NFIA: variants seen among roughly 807,000 people sequenced by gnomAD.
The protein encoded by NFIA is nuclear factor 1 A-type.
A neutral mutation model predicts 62.8 loss-of-function variants in NFIA; 8 were observed. The observed-to-expected ratio is 0.13, with a 90% CI of 0.07 to 0.23. NFIA has a LOEUF of 0.23. Among genes scored for constraint, NFIA ranks in the 10% least tolerant of loss-of-function variants. The probability of loss-of-function intolerance (pLI) is 1.00; values close to 1 mark genes in which losing one functional copy is unlikely to be tolerated. For synonymous variants in NFIA, 235 were observed against 238.1 expected (o/e 0.99, Z 0.12); for missense variants, 410 against 642.1 (o/e 0.64, Z 3.91).
At chr1:61,359,114 T>C in intron 5 of NFIA, 33 bp from the exon 6 acceptor site, 1 of 1,607,058 alleles carries the variant, frequency 6.2e-7, no homozygotes, top group Non-Finnish European at 8.5e-7. Flanking sequence ...TGGTTGCGAT[T>C]GCTTTTAAAC....
chr1:61,394,661 T>C (rs1024339672), intron 7 of NFIA, among the ~76,000 whole-genome samples: 2 of 152,164 alleles, frequency 1.3e-5, no homozygotes, highest in African/African-American at 4.8e-5. Flanking sequence ...ATACCCAAGC[T>C]GACATGAAAA....
chr1:61,198,092 C>T (rs775493209), intron 2 of NFIA, among the ~76,000 whole-genome samples: 4 of 152,050 alleles, frequency 2.6e-5, no homozygotes, highest in Non-Finnish European at 4.4e-5. Flanking sequence ...CAAGGAAGAG[C>T]GGATGAAAAA....
chr1:61,107,992 T>C (rs1020374186), intron 2 of NFIA, among the ~76,000 whole-genome samples: 1 of 151,726 alleles, frequency 6.6e-6, no homozygotes, highest in South Asian at 2.1e-4. Context: ...GATTCTTTGC[T>C]CTGTTACACT....
Position 61,243,599 on chromosome 1 carries a change from G to A in NFIA, c.560-33921G>A, listed in dbSNP as rs144697195. Reference sequence around the variant, plus strand: ...TTGATGATTTATTCAGATGACTAACGTTGTTGTAGCTGAGGCAAAAATTAA... The same window carrying A: ...TTGATGATTTATTCAGATGACTAACATTGTTGTAGCTGAGGCAAAAATTAA... On this transcript the variant is annotated intron_variant, in intron 2 of 10. Coordinates refer to ENST00000403491, the MANE Select transcript of NFIA (RefSeq NM_001134673.4). Among the ~76,000 whole-genome samples the A allele has an allele frequency of 2.6e-4, 39 of 152,012 alleles. No individual in the cohort carries two copies. In the East Asian group the frequency reaches 7.3e-3, roughly 29 times the overall value.
chr1:61,260,445 T>TG (rs1656691551), intron 2 of NFIA, among the ~76,000 whole-genome samples: 2 of 152,226 alleles, frequency 1.3e-5, no homozygotes. Context: ...GGACAGAGCT[T>TG]GGTGAGCCTT....
chr1:61,093,753 C>T (rs911218381), intron 2 of NFIA, among the ~76,000 whole-genome samples: 1 of 152,184 alleles, frequency 6.6e-6, no homozygotes, highest in Non-Finnish European at 1.5e-5. Flanking sequence ...GAATGGAAGT[C>T]AGTTCATTTA....
intron 3 of NFIA, among the ~76,000 whole-genome samples, chr1:61,299,990 C>T (rs935869633): frequency 1.3e-5 from 2 of 151,924 alleles, no homozygotes; most frequent in Admixed American, 1.3e-4. Flanking sequence ...TGAGTATATC[C>T]GTATTTTTGA....
intron 1 of NFIA, among the ~76,000 whole-genome samples, chr1:61,085,125 A>T (rs1453993122): frequency 6.6e-6 from 1 of 152,138 alleles, no homozygotes; most frequent in Non-Finnish European, 1.5e-5. Flanking sequence ...CATTAAAAAA[A>T]ATCAGTAAGC....
intron 10 of NFIA, among the ~76,000 whole-genome samples, chr1:61,438,032 T>C (rs1030702012): frequency 5.3e-5 from 8 of 152,176 alleles, no homozygotes; most frequent in African/African-American, 1.9e-4. Flanking sequence ...CTGCCTTGCT[T>C]GGTTCAATCC....
chr1:61,449,028 A>G (rs1557447829), intron 10 of NFIA, among the ~76,000 whole-genome samples: 1 of 152,220 alleles, frequency 6.6e-6, no homozygotes, highest in East Asian at 1.9e-4. Flanking sequence ...TGGGAGCAGC[A>G]CAGTCATTCT....
At chr1:61,312,742 G>C (rs528504845) in intron 3 of NFIA, among the ~76,000 whole-genome samples, 12 of 151,098 alleles carry the variant, frequency 7.9e-5, no homozygotes, top group African/African-American at 2.9e-4. Context: ...CAAACTCCTG[G>C]GCTCAAGTGA....
chr1:61,273,484 T>A (rs1446183972), intron 2 of NFIA, among the ~76,000 whole-genome samples: 1 of 152,220 alleles, frequency 6.6e-6, no homozygotes, highest in Non-Finnish European at 1.5e-5. Flanking sequence ...GAGGACTTTT[T>A]GCGCTCCTTT....
intron 2 of NFIA, among the ~76,000 whole-genome samples, chr1:61,191,325 G>C (rs1163875645): frequency 6.6e-6 from 1 of 152,120 alleles, no homozygotes; most frequent in African/African-American, 2.4e-5. Context: ...CAAATGAATA[G>C]TAGTATTTAA....
In NFIA at chr1:61,088,404, G is replaced by A; in HGVS notation, c.283G>A (p.Val95Ile). 2 of 1,613,912 alleles carry A rather than the reference G, an allele frequency of 1.2e-6. No homozygotes were observed. The highest frequency in any genetic ancestry group is 1.7e-6 in the Non-Finnish European group (2 of 1,179,948). The stretch of plus-strand genomic sequence containing the variant: ...ATATCGAGAGGATTTTGTTCTTACA[G>A]TTACAGGGAAAAAACCTCCATGTTG... ...PEYREDFVLT[V>I]TGKKPPCCVL... Residue 95 changes from valine (V) to isoleucine (I), a missense_variant, in exon 2 of 11, where the codon GTT becomes ATT. By Grantham distance (29) the Val-to-Ile change is conservative. This residue lies in a region of NFIA where 86 missense variants were observed against 124.6 expected (regional missense o/e 0.69). Coordinates refer to ENST00000403491, the MANE Select transcript of NFIA (RefSeq NM_001134673.4). The surrounding 1 kb of genome is among the most constrained non-coding windows in gnomAD (Gnocchi z 4.5).
intron 2 of NFIA, among the ~76,000 whole-genome samples, chr1:61,108,323 T>C (rs915784896): frequency 6.6e-6 from 1 of 151,714 alleles, no homozygotes; most frequent in African/African-American, 2.4e-5. Context: ...TGAATTTTAT[T>C]TTTCACCAGG....
At chr1:61,295,022 C>T (rs573687413) in intron 3 of NFIA, among the ~76,000 whole-genome samples, 27 of 152,266 alleles carry the variant, frequency 1.8e-4, no homozygotes, top group Non-Finnish European at 2.8e-4. Context: ...AAGATGGTTT[C>T]GAGCAGGGTG....
intron 2 of NFIA, among the ~76,000 whole-genome samples, chr1:61,184,106 T>TG (rs3833520): frequency 0.21 from 20,940 of 101,302 alleles, 1,970 homozygotes; most frequent in African/African-American, 0.32. Flanking sequence ...GTAAGGTTTA[T>TG]GGGGGGGGGA....
Position 61,082,624 on chromosome 1 carries a change from T to A in NFIA, c.-168T>A, listed in dbSNP as rs1314631344. ...GCTGGCTGGCTGCAGTTGAGCCGAC[T>A]TGGAAATGTGAACGCAAGAAGCAGG... On this transcript the variant is annotated 5_prime_UTR_variant, in exon 1 of 11. The change creates a new upstream start codon in the 5' untranslated region. Coordinates refer to ENST00000403491, the MANE Select transcript of NFIA (RefSeq NM_001134673.4). The A allele has an allele frequency of 3.1e-5, 47 of 1,505,316 alleles. No homozygotes were observed. The highest frequency in any genetic ancestry group is 3.9e-5 in the Non-Finnish European group (44 of 1,121,780). The allele number at this position is 1,505,316 out of a possible 1,614,324, so 93.2% of individuals were successfully genotyped here. A position where few individuals can be genotyped will look rare whatever the true frequency, so the allele number is the denominator to read the frequency against.
At chr1:61,230,118 AC>A (rs1654580656) in intron 2 of NFIA, among the ~76,000 whole-genome samples, 1 of 152,218 alleles carries the variant, frequency 6.6e-6, no homozygotes. Context: ...TAATTAAAAA[AC>A]ATTTGGAATT....
Sources: gnomAD v4.1 joint callset for allele counts (sites outside exome capture counted in the v4.1 genomes callset) on GRCh38, gnomAD v4.1.1 for gene constraint, gnomAD v4.1.1 regional missense constraint, Gnocchi (gnomAD v3.1) non-coding constraint, MANE v1.5 for transcripts, NCBI Gene and HGNC (gene_info 2026-07-23, HGNC 2026-07-21) for gene names.